ACSL1: variants seen among roughly 807,000 people sequenced by gnomAD.
ACSL1 encodes acyl-CoA synthetase long chain family member 1.
ACSL1 carries 41 observed loss-of-function variants against 98.4 expected under a neutral mutation model. The ratio of observed to expected loss-of-function variants is 0.42; its 90% CI spans 0.32 to 0.54. The LOEUF is 0.54. ACSL1 is among the 20% of genes least tolerant of loss of function. The pLI is 0.13. For missense variants in ACSL1, 734 were observed against 883.1 expected (o/e 0.83, Z 2.14); for synonymous variants, 316 against 322.7 (o/e 0.98, Z 0.22).
intron 2 of ACSL1, among the ~76,000 whole-genome samples, chr4:184,792,061 T>C (rs1306675203): frequency 6.6e-6 from 1 of 152,214 alleles, no homozygotes; most frequent in African/African-American, 2.4e-5. Flanking sequence ...TTTAAGTTTT[T>C]GGTGGTGTAT....
Position 184,756,076 on chromosome 4 carries a change from C to T in ACSL1, c.*1049G>A, listed in dbSNP as rs1410209637. On this transcript the variant is annotated 3_prime_UTR_variant, in exon 21 of 21. Coordinates refer to ENST00000281455, the MANE Select transcript of ACSL1 (RefSeq NM_001995.5). ...ATAAGAACATTTGCTTATTACTGTC[C>T]ATTTCAATAAGTACTCAAGTATATA... 6.6e-6 allele frequency: 1 copy of T among 152,174 alleles called. No individual in the cohort carries two copies. 9.4% of individuals were successfully genotyped at this position (152,174 alleles called of 1,614,324 possible). A position where few individuals can be genotyped will look rare whatever the true frequency, so the allele number is the denominator to read the frequency against.
At position 184,784,065 on chromosome 4, in the gene ACSL1, C is replaced by A. The variant is rs192947885; in HGVS notation, c.311-74G>T. The stretch of plus-strand genomic sequence containing the variant: ...CCTAGATTTTAATTTGTATCCCAAC[C>A]GCACTCTAATACTAAACATCAGCTA... On this transcript the variant is annotated intron_variant, in intron 3 of 20. Coordinates refer to ENST00000281455, the MANE Select transcript of ACSL1 (RefSeq NM_001995.5). 2.4e-6 allele frequency: 3 copies of A among 1,239,130 alleles called. No individual in the cohort carries two copies. In the African/African-American group the frequency reaches 4.5e-5, roughly 19 times the overall value. The allele number at this position is 1,239,130 out of a possible 1,614,324, so 76.8% of individuals were successfully genotyped here.
chr4:184,773,247 T>C lies in ACSL1; in HGVS notation c.842-93A>G. On this transcript the variant is annotated intron_variant, in intron 9 of 20. Transcript: ENST00000281455. The surrounding 1 kb of genome is among the most constrained non-coding windows in gnomAD (Gnocchi z 4.3). Reference sequence around the variant, plus strand: ...ACATAATTAGGGCTTCAGACACCTCTACTGTTAGATATATCGTGAAAACCA... The same window carrying C: ...ACATAATTAGGGCTTCAGACACCTCCACTGTTAGATATATCGTGAAAACCA... The C allele has an allele frequency of 5.4e-6, 6 of 1,103,558 alleles. No homozygotes were observed. The highest frequency in any genetic ancestry group is 8.1e-6 in the Non-Finnish European group (6 of 742,824). The allele number at this position is 1,103,558 out of a possible 1,614,324, so 68.4% of individuals were successfully genotyped here.
intron 3 of ACSL1, among the ~76,000 whole-genome samples, chr4:184,786,618 G>A (rs1767391536): frequency 6.6e-6 from 1 of 152,008 alleles, no homozygotes; most frequent in Admixed American, 6.6e-5. Flanking sequence ...ACGTGCTATG[G>A]GAACACTGGG....
chr4:184,762,587 G>A, intron 16 of ACSL1, 64 bp from the exon 17 acceptor site: 1 of 1,388,964 alleles, frequency 7.2e-7, no homozygotes, highest in Non-Finnish European at 1.0e-6. Context: ...AAACTGGTGT[G>A]TGCATGTGTG....
intron 4 of ACSL1, among the ~76,000 whole-genome samples, chr4:184,781,234 A>T (rs1334433747): frequency 2.0e-5 from 1 of 48,910 alleles, no homozygotes; most frequent in African/African-American, 9.1e-5. Flanking sequence ...CATCTCAAAA[A>T]AAAAAAAAAA....
At chr4:184,814,553 G>A (rs908483273) in intron 1 of ACSL1, among the ~76,000 whole-genome samples, 1 of 152,078 alleles carries the variant, frequency 6.6e-6, no homozygotes, top group African/African-American at 2.4e-5. Flanking sequence ...CTACTATGTT[G>A]TTGTTCTTTG....
chr4:184,790,490 T>A (rs1265606660), intron 2 of ACSL1, among the ~76,000 whole-genome samples: 9 of 152,216 alleles, frequency 5.9e-5, no homozygotes, highest in African/African-American at 2.2e-4. Context: ...CCTAACCATA[T>A]CTTTTAATCA....
chr4:184,807,105 C>G (rs1383942372), intron 1 of ACSL1, among the ~76,000 whole-genome samples: 4 of 152,296 alleles, frequency 2.6e-5, no homozygotes, highest in Admixed American at 2.6e-4. Context: ...AATAGTCTTT[C>G]AACGCTGTAT....
At chr4:184,800,060 C>T (rs1379379837) in intron 2 of ACSL1, among the ~76,000 whole-genome samples, 1 of 152,164 alleles carries the variant, frequency 6.6e-6, no homozygotes, top group African/African-American at 2.4e-5. Flanking sequence ...TATAATTTTA[C>T]CTCTTTGGAC....
intron 1 of ACSL1, among the ~76,000 whole-genome samples, chr4:184,810,687 G>A (rs560896136): frequency 1.3e-5 from 2 of 152,090 alleles, no homozygotes; most frequent in Non-Finnish European, 2.9e-5. Flanking sequence ...TCGCACTTTC[G>A]CACATTAATC....
Position 184,757,434 on chromosome 4 carries a change from G to A in ACSL1, c.1957-169C>T, listed in dbSNP as rs1226904110. Among the ~76,000 whole-genome samples, 1 of 152,190 alleles carries A rather than the reference G, an allele frequency of 6.6e-6. No individual in the cohort carries two copies. Among genetic ancestry groups the A allele is most frequent in the African/African-American group, 2.4e-5 (1 of 41,450 alleles). ...GACAGGCATCCTATTCTTAGGATAGGATTCGGGATCATATTCTGATATCCA... is the reference window on the plus strand; with the variant it reads ...GACAGGCATCCTATTCTTAGGATAGAATTCGGGATCATATTCTGATATCCA... On this transcript the variant is annotated intron_variant, in intron 20 of 20. Transcript: ENST00000281455. The surrounding 1 kb of genome is among the most constrained non-coding windows in gnomAD (Gnocchi z 4.5).
chr4:184,825,539 C>T lies in ACSL1; in HGVS notation c.-33+377G>A, dbSNP rs1773407721. On this transcript the variant is annotated intron_variant, in intron 1 of 20. Coordinates refer to ENST00000281455, the MANE Select transcript of ACSL1 (RefSeq NM_001995.5). The surrounding 1 kb of genome is among the most constrained non-coding windows in gnomAD (Gnocchi z 4.7). ...GACGAGGGCAACGTCAGCGGCCCAG[C>T]TGGGCCACCTCCTCCCAGCCGAAGC... Among the ~76,000 whole-genome samples the T allele has an allele frequency of 6.6e-6, 1 of 151,648 alleles. No individual in the cohort carries two copies. Among genetic ancestry groups the T allele is most frequent in the Non-Finnish European group, 1.5e-5 (1 of 67,866 alleles).
intron 1 of ACSL1, among the ~76,000 whole-genome samples, chr4:184,810,721 C>CGGATA (rs199918322): frequency 0.016 from 2,438 of 151,990 alleles, 68 homozygotes; most frequent in African/African-American, 0.054. Context: ...AGGGCTCAAG[C>CGGATA]GGATAGGATA....
chr4:184,826,183 G>GC (rs1474394787), upstream of ACSL1: 4 of 150,126 alleles, frequency 2.7e-5, no homozygotes, highest in Non-Finnish European at 5.9e-5. Context: ...GTCTGGGCGC[G>GC]CGTGGCTGGC....
chr4:184,795,515 A>C (rs1769204033), intron 2 of ACSL1, among the ~76,000 whole-genome samples: 1 of 152,152 alleles, frequency 6.6e-6, no homozygotes, highest in African/African-American at 2.4e-5. Flanking sequence ...TAGTTTTTTA[A>C]ATATAACAAT....
intron 14 of ACSL1, 60 bp from the exon 15 acceptor site, chr4:184,764,985 T>C: frequency 1.3e-6 from 2 of 1,537,302 alleles, no homozygotes; most frequent in South Asian, 2.3e-5. Flanking sequence ...TTACTGGAAG[T>C]GCACAAGCAA....
At chr4:184,761,039 CAG>C (rs1762785820) in intron 17 of ACSL1, among the ~76,000 whole-genome samples, 1 of 152,186 alleles carries the variant, frequency 6.6e-6, no homozygotes, top group Non-Finnish European at 1.5e-5. Context: ...ATCTCTGGAC[CAG>C]ACCAGCCACA....
chr4:184,773,716 TA>T lies in ACSL1; in HGVS notation c.790-3del, dbSNP rs1764846786. On this transcript the variant is annotated splice_region_variant and splice_polypyrimidine_tract_variant and intron_variant, in intron 8 of 20. Transcript: ENST00000281455. The surrounding 1 kb of genome is among the most constrained non-coding windows in gnomAD (Gnocchi z 4.3). Reference sequence around the variant, plus strand: ...TGCAAGATCTTCAGGTGCTGGAGGCTAAAGATTAAAAAAAAAAAAAGCTGGT... The same window carrying T: ...TGCAAGATCTTCAGGTGCTGGAGGCTAAGATTAAAAAAAAAAAAAGCTGGT... 6.3e-7 allele frequency: 1 copy of T among 1,594,978 alleles called. No homozygotes were observed. The highest frequency in any genetic ancestry group is 8.5e-7 in the Non-Finnish European group (1 of 1,175,494).
Sources: gnomAD v4.1 joint callset for allele counts (sites outside exome capture counted in the v4.1 genomes callset) on GRCh38, gnomAD v4.1.1 for gene constraint, Gnocchi (gnomAD v3.1) non-coding constraint, MANE v1.5 for transcripts, NCBI Gene and HGNC (gene_info 2026-07-23, HGNC 2026-07-21) for gene names.